FBN1: variants seen among roughly 807,000 people sequenced by gnomAD.
The protein encoded by FBN1 is fibrillin-1.
In FBN1, 29 loss-of-function variants were observed where a neutral mutation model predicts 365.1. The ratio of observed to expected loss-of-function variants is 0.08; its 90% CI spans 0.06 to 0.11. FBN1 has a LOEUF of 0.11. Among genes scored for constraint, FBN1 ranks in the 10% least tolerant of loss-of-function variants. The pLI is 1.00. For missense variants in FBN1, 2,476 were observed against 3,703.2 expected (o/e 0.67, Z 8.60); for synonymous variants, 1,210 against 1,270.5 (o/e 0.95, Z 1.01).
chr15:48,579,386 T>G (rs1320905571), intron 6 of FBN1, among the ~76,000 whole-genome samples: 1 of 152,230 alleles, frequency 6.6e-6, no homozygotes, highest in African/African-American at 2.4e-5. Context: ...CTGCTGAATT[T>G]TAATAATGGC....
intron 17 of FBN1, among the ~76,000 whole-genome samples, chr15:48,501,905 A>T (rs1241924011): frequency 6.6e-6 from 1 of 152,238 alleles, no homozygotes; most frequent in Non-Finnish European, 1.5e-5. Flanking sequence ...GTATATAATA[A>T]AAGTATTATA....
chr15:48,453,214 C>G (rs2043214325), intron 44 of FBN1, among the ~76,000 whole-genome samples: 1 of 150,966 alleles, frequency 6.6e-6, no homozygotes, highest in South Asian at 2.1e-4. Context: ...CAAGATCATG[C>G]CATTGCATTC....
chr15:48,602,460 A>G (rs2044574854), intron 4 of FBN1, among the ~76,000 whole-genome samples: 1 of 152,176 alleles, frequency 6.6e-6, no homozygotes, highest in Non-Finnish European at 1.5e-5. Context: ...ACTGTGCTAA[A>G]TTAATTTTTA....
In FBN1 at chr15:48,601,419, G is replaced by A. The variant is rs113945717; in HGVS notation, c.347-1185C>T. ...CACATGGAGGCCAGGATTGGGCTTTGGAGGTTTGGCTTATTCTGTCTGGTC... is the reference window on the plus strand; with the variant it reads ...CACATGGAGGCCAGGATTGGGCTTTAGAGGTTTGGCTTATTCTGTCTGGTC... On this transcript the variant is annotated intron_variant, in intron 4 of 65. Transcript: ENST00000316623. 9.2e-5 allele frequency among the ~76,000 whole-genome samples: 14 copies of A among 152,308 alleles called. 1 individual carries two copies. The highest frequency in any genetic ancestry group is 3.4e-4 in the African/African-American group (14 of 41,568).
intron 52 of FBN1, 24 bp downstream of exon 52, chr15:48,437,298 G>C (rs1368571317): frequency 1.2e-6 from 2 of 1,600,942 alleles, no homozygotes; most frequent in Non-Finnish European, 1.7e-6. Flanking sequence ...GAGAAATGCT[G>C]AGAATCCAGC....
At chr15:48,432,622 C>T (rs2043032086) in intron 55 of FBN1, among the ~76,000 whole-genome samples, 1 of 152,024 alleles carries the variant, frequency 6.6e-6, no homozygotes, top group South Asian at 2.1e-4. Context: ...GAAATACTGG[C>T]GTGTTGTGAG....
intron 24 of FBN1, 74 bp from the exon 25 acceptor site, chr15:48,490,152 A>G (rs1181718311): frequency 7.3e-6 from 9 of 1,236,178 alleles, no homozygotes; most frequent in Non-Finnish European, 9.4e-6. Context: ...ACACTCTGTT[A>G]GGTAAAATAC....
At chr15:48,461,689 A>C (rs2043281364) in intron 42 of FBN1, among the ~76,000 whole-genome samples, 1 of 152,228 alleles carries the variant, frequency 6.6e-6, no homozygotes, top group South Asian at 2.1e-4. Context: ...AAGGGTCAGC[A>C]AACTTTTTAA....
rs139852289 is a variant in FBN1, at chr15:48,606,306, T to A, written c.346+4422A>T. On this transcript the variant is annotated intron_variant, in intron 4 of 65. Transcript: ENST00000316623. The stretch of plus-strand genomic sequence containing the variant: ...GTTCATAGCAGCTTAGTTCAAATAA[T>A]AAAGAAAAAAAAACTGATGACAACT... 4.3e-4 allele frequency among the ~76,000 whole-genome samples: 65 copies of A among 151,798 alleles called. 2 individuals carry two copies. In the East Asian group the frequency reaches 0.012, roughly 29 times the overall value.
intron 18 of FBN1, among the ~76,000 whole-genome samples, 191 bp from the exon 19 acceptor site, chr15:48,497,582 A>G (rs900439153): frequency 4.6e-5 from 7 of 152,156 alleles, no homozygotes; most frequent in Non-Finnish European, 8.8e-5. Context: ...TCTTTCTCCC[A>G]CAAGTTCCTG....
intron 9 of FBN1, among the ~76,000 whole-genome samples, chr15:48,521,691 T>C (rs552510299): frequency 2.6e-4 from 40 of 152,348 alleles, no homozygotes; most frequent in African/African-American, 9.1e-4. Context: ...CTTTGAGATA[T>C]TACCACGAAA....
In FBN1 at chr15:48,408,317, C is replaced by T. The variant is rs1238779822; in HGVS notation, c.*2673G>A. 1 of 152,570 alleles carries T rather than the reference C, an allele frequency of 6.6e-6. No individual in the cohort carries two copies. The highest frequency in any genetic ancestry group is 1.5e-5 in the Non-Finnish European group (1 of 68,014). The allele number at this position is 152,570 out of a possible 1,614,324, so 9.5% of individuals were successfully genotyped here. On this transcript the variant is annotated 3_prime_UTR_variant, in exon 66 of 66. Coordinates refer to ENST00000316623, the MANE Select transcript of FBN1 (RefSeq NM_000138.5). ...TTTAAGGATACTAATGCAGCATCAA[C>T]CCAATTGTCCTTTATTTTGGCTCAT...
intron 6 of FBN1, among the ~76,000 whole-genome samples, chr15:48,552,005 C>T (rs2044146103): frequency 2.0e-5 from 3 of 152,080 alleles, no homozygotes; most frequent in Admixed American, 2.0e-4. Flanking sequence ...ATTTATGTTC[C>T]TTTGGGTATA....
intron 16 of FBN1, 73 bp from the exon 17 acceptor site, chr15:48,504,012 G>C: frequency 6.4e-7 from 1 of 1,571,664 alleles, no homozygotes; most frequent in Admixed American, 1.7e-5. Context: ...CAAAGTTGAA[G>C]AGGGCTTTAT....
chr15:48,563,796 G>A (rs2044241221), intron 6 of FBN1, among the ~76,000 whole-genome samples: 1 of 152,096 alleles, frequency 6.6e-6, no homozygotes, highest in African/African-American at 2.4e-5. Flanking sequence ...CTGTTTTCTG[G>A]GGAATACTGA....
At position 48,481,702 on chromosome 15, in the gene FBN1, T is replaced by C; in HGVS notation, c.3917A>G (p.His1306Arg). The part of the protein sequence containing the change: ...CENTKGSFIC[H>R]CDMGYSGKKG... Reference sequence around the variant, plus strand: ...TTTGCCGGAGTAGCCCATATCACAGTGGCAGATAAATGAGCCTTTCGTGTT... The same window carrying C: ...TTTGCCGGAGTAGCCCATATCACAGCGGCAGATAAATGAGCCTTTCGTGTT... Residue 1306 changes from histidine to arginine, a missense_variant, in exon 32 of 66, where the codon CAC becomes CGC. By Grantham distance (29) the His-to-Arg change is conservative. Coordinates refer to ENST00000316623, the MANE Select transcript of FBN1 (RefSeq NM_000138.5). 1 of 1,613,876 alleles carries C rather than the reference T, an allele frequency of 6.2e-7. No homozygotes were observed. The highest frequency in any genetic ancestry group is 8.5e-7 in the Non-Finnish European group (1 of 1,179,786).
At position 48,412,658 on chromosome 15, in the gene FBN1, C is replaced by T. The variant is rs2141211697; in HGVS notation, c.8137G>A (p.Glu2713Lys). The T allele has an allele frequency of 1.9e-6, 3 of 1,614,272 alleles. No homozygotes were observed. The highest frequency in any genetic ancestry group is 2.7e-5 in the African/African-American group (2 of 75,076). Residue 2713 changes from glutamate (E) to lysine (K), a missense_variant, in exon 65 of 66, where the codon GAG becomes AAG. Glu to Lys is a moderately conservative substitution (Grantham distance 56, BLOSUM62 1). Around this residue, in one of 5 missense-constraint regions of FBN1, gnomAD observed 177 missense variants for 192.7 expected, o/e 0.92. Transcript: ENST00000316623. ...TTGATCTTACACTCGTAACAAGCCT[C>T]TGGGGAGAGTGAATTGTCATCCATT... is the stretch of plus-strand genomic sequence containing the variant. ...GEMDDNSLSP[E>K]ACYECKINGY...
chr15:48,428,452 C>T lies in FBN1; in HGVS notation c.6891G>A (p.Thr2297=), dbSNP rs764092264. The change falls in exon 57 of 66, where the codon ACG becomes ACA. Residue 2297 remains threonine, a synonymous_variant. Coordinates refer to ENST00000316623, the MANE Select transcript of FBN1 (RefSeq NM_000138.5). ...GCCCATTCTCACAGATCCCTGGCTT[C>T]GTCTGACATTCATTCTCATCTGTTT... is the stretch of plus-strand genomic sequence containing the variant. ...EGCVDENECQ[T]KPGICENGRC... 7.4e-6 allele frequency: 12 copies of T among 1,613,952 alleles called. No individual in the cohort carries two copies. Among genetic ancestry groups the T allele is most frequent in the African/African-American group, 5.3e-5 (4 of 74,914 alleles).
intron 44 of FBN1, 98 bp from the exon 45 acceptor site, chr15:48,452,782 C>G: frequency 4.3e-6 from 6 of 1,388,480 alleles, no homozygotes; most frequent in Non-Finnish European, 4.0e-6. Context: ...TTATTTTGAT[C>G]TGTTCTATTG....
Sources: gnomAD v4.1 joint callset for allele counts (sites outside exome capture counted in the v4.1 genomes callset) on GRCh38, gnomAD v4.1.1 for gene constraint, gnomAD v4.1.1 regional missense constraint, MANE v1.5 for transcripts, NCBI Gene and HGNC (gene_info 2026-07-23, HGNC 2026-07-21) for gene names.